The following AIG1 variants were observed in gnomAD, a reference collection of about 807,000 sequenced individuals.
AIG1 encodes the protein androgen induced 1.
A neutral mutation model predicts 31.4 loss-of-function variants in AIG1; 23 were observed. The observed-to-expected ratio is 0.73, with a 90% confidence interval of 0.53 to 1.04. The LOEUF (loss-of-function observed/expected upper bound fraction) is 1.04. Ranked by LOEUF, AIG1 falls within the 50% of genes least tolerant of loss-of-function variation. AIG1 has a pLI of 0.00. For missense variants in AIG1, 274 were observed against 295.0 expected (o/e 0.93, Z 0.52); for synonymous variants, 100 against 110.5 (o/e 0.90, Z 0.60).
chr6:143,284,026 G>GT lies in AIG1; in HGVS notation c.400-83dup, dbSNP rs1797523163. ...CCTGACACTTTCCTAGGAATTTATAGTGTGCATTCTCCTACTGGTGAAAAA... is the reference window on the plus strand; with the variant it reads ...CCTGACACTTTCCTAGGAATTTATAGTTGTGCATTCTCCTACTGGTGAAAAA... On this transcript the variant is annotated intron_variant, in intron 3 of 5. Coordinates refer to ENST00000357847, the MANE Select transcript of AIG1 (RefSeq NM_016108.4). This position sits in a 1 kb window ranked among gnomAD's most constrained non-coding sequence, Gnocchi z 4.4. The GT allele has an allele frequency of 1.1e-6, 1 of 909,680 alleles. No individual in the cohort carries two copies. 56.4% of individuals were successfully genotyped at this position (909,680 alleles called of 1,614,324 possible). A position where few individuals can be genotyped will look rare whatever the true frequency, so the allele number is the denominator to read the frequency against.
In AIG1 at chr6:143,338,138, T is replaced by C; in HGVS notation, c.680-1501T>C. Reference sequence around the variant, plus strand: ...ACAGACTTTAAAAAGAAAAGCAAACTGCTCTTAGCCCCTGATAGCTTCTCC... The same window carrying C: ...ACAGACTTTAAAAAGAAAAGCAAACCGCTCTTAGCCCCTGATAGCTTCTCC... On this transcript the variant is annotated intron_variant, in intron 5 of 5. Coordinates refer to ENST00000357847, the MANE Select transcript of AIG1 (RefSeq NM_016108.4). This position sits in a 1 kb window ranked among gnomAD's most constrained non-coding sequence, Gnocchi z 4.3. The C allele has an allele frequency of 2.5e-6, 1 of 397,614 alleles. No individual in the cohort carries two copies. The highest frequency in any genetic ancestry group is 4.4e-5 in the Admixed American group (1 of 22,704). The allele number at this position is 397,614 out of a possible 1,614,324, so 24.6% of individuals were successfully genotyped here. A position where few individuals can be genotyped will look rare whatever the true frequency, so the allele number is the denominator to read the frequency against.
At chr6:143,103,184 T>G (rs1780459925) in intron 1 of AIG1, among the ~76,000 whole-genome samples, 1 of 152,218 alleles carries the variant, frequency 6.6e-6, no homozygotes, top group South Asian at 2.1e-4. Flanking sequence ...ACACAGCTCC[T>G]GCCTTCAAAA....
At position 143,187,469 on chromosome 6, in the gene AIG1, ACT is replaced by A. The variant is rs1226645609; in HGVS notation, c.399+22289_399+22290del. On this transcript the variant is annotated intron_variant, in intron 3 of 5. Transcript: ENST00000357847. The stretch of plus-strand genomic sequence containing the variant: ...GCTTGGTTGAAGTTTGGCACTCGAC[ACT>A]CTGCTCAATTGAAGACATATGCACA... The A allele has an allele frequency of 6.5e-6, 10 of 1,535,546 alleles. No homozygotes were observed. The East Asian group carries it at 1.7e-4, about 26-fold the overall frequency.
At chr6:143,085,037 A>C (rs1249162030) in intron 1 of AIG1, among the ~76,000 whole-genome samples, 4 of 152,222 alleles carry the variant, frequency 2.6e-5, no homozygotes, top group African/African-American at 9.6e-5. Context: ...ATCTAGCAGT[A>C]ACATTACATC....
intron 3 of AIG1, among the ~76,000 whole-genome samples, chr6:143,234,191 C>T (rs1484386139): frequency 6.6e-6 from 1 of 152,162 alleles, no homozygotes; most frequent in Non-Finnish European, 1.5e-5. Flanking sequence ...AAGACTTGGA[C>T]TTTGACAGTT....
intron 3 of AIG1, among the ~76,000 whole-genome samples, chr6:143,237,094 C>T (rs1793862575): frequency 6.6e-6 from 1 of 152,184 alleles, no homozygotes. Context: ...CCTGGCTCTA[C>T]AGCACAAGAG....
intron 3 of AIG1, among the ~76,000 whole-genome samples, chr6:143,226,221 C>G (rs111390193): frequency 6.6e-6 from 1 of 150,992 alleles, no homozygotes; most frequent in Non-Finnish European, 1.5e-5. Context: ...GTTACACATT[C>G]CATTCTTCTT....
At chr6:143,220,991 ATTG>A (rs200697142) in intron 3 of AIG1, among the ~76,000 whole-genome samples, 10 of 151,682 alleles carry the variant, frequency 6.6e-5, no homozygotes, top group East Asian at 1.9e-4. Context: ...ACTAGTTTTT[ATTG>A]TTGTTGTTGT....
rs112416142 is a variant in AIG1, at chr6:143,087,550, G to A, written c.141+26484G>A. ...GCCAGATCCAGAGGGATGGAAGTCAGCGGCGGGTCTGCGACGGCGGCAAAC... is the reference window on the plus strand; with the variant it reads ...GCCAGATCCAGAGGGATGGAAGTCAACGGCGGGTCTGCGACGGCGGCAAAC... On this transcript the variant is annotated intron_variant, in intron 1 of 5. Coordinates refer to ENST00000357847, the MANE Select transcript of AIG1 (RefSeq NM_016108.4). Among the ~76,000 whole-genome samples the A allele has an allele frequency of 9.6e-3, 1,458 of 152,328 alleles. 17 individuals carry two copies. Among genetic ancestry groups the A allele is most frequent in the African/African-American group, 0.027 (1,103 of 41,576 alleles).
In AIG1 at chr6:143,291,518, T is replaced by C. The variant is rs1181393533; in HGVS notation, c.515+7293T>C. Reference sequence around the variant, plus strand: ...CACCTGGACTTCAGCCTCACAGCACTAATCAGTGGGAAGCAGGGATTTGCC... The same window carrying C: ...CACCTGGACTTCAGCCTCACAGCACCAATCAGTGGGAAGCAGGGATTTGCC... On this transcript the variant is annotated intron_variant, in intron 4 of 5. Transcript: ENST00000357847. This position sits in a 1 kb window ranked among gnomAD's most constrained non-coding sequence, Gnocchi z 4.2. Among the ~76,000 whole-genome samples the C allele has an allele frequency of 6.6e-6, 1 of 152,170 alleles. No individual in the cohort carries two copies. The highest frequency in any genetic ancestry group is 1.9e-4 in the East Asian group (1 of 5,204).
intron 1 of AIG1, among the ~76,000 whole-genome samples, chr6:143,079,619 A>C (rs76612715): frequency 0.062 from 9,381 of 152,246 alleles, 680 homozygotes; most frequent in East Asian, 0.37. Flanking sequence ...TTTTACACTT[A>C]AAATATTTTA....
chr6:143,313,737 T>C (rs1265075655), intron 4 of AIG1, among the ~76,000 whole-genome samples: 1 of 152,108 alleles, frequency 6.6e-6, no homozygotes, highest in African/African-American at 2.4e-5. Context: ...CTTGAGGTGA[T>C]GGATACCCCA....
intron 3 of AIG1, among the ~76,000 whole-genome samples, chr6:143,199,873 A>G (rs1487517137): frequency 2.6e-5 from 4 of 152,218 alleles, no homozygotes; most frequent in Admixed American, 6.5e-5. Flanking sequence ...AATTAGAAGG[A>G]TCAGGAAGAG....
rs1376848307 is a variant in AIG1 at position 143,284,245 on chromosome 6, G to T, written c.515+20G>T. ...ATTATGGTAAGGACCATGCCTGCTG[G>T]GCTTTCTTATTGTATTAGATTTTGC... is the stretch of plus-strand genomic sequence containing the variant. On this transcript the variant is annotated intron_variant, in intron 4 of 5. Transcript: ENST00000357847. This position sits in a 1 kb window ranked among gnomAD's most constrained non-coding sequence, Gnocchi z 4.4. The T allele has an allele frequency of 6.4e-7, 1 of 1,562,076 alleles. No homozygotes were observed.
At chr6:143,085,917 G>T (rs1778734282) in intron 1 of AIG1, among the ~76,000 whole-genome samples, 1 of 152,216 alleles carries the variant, frequency 6.6e-6, no homozygotes. Context: ...AATCTGCTGG[G>T]TTAAGGGAAT....
intron 4 of AIG1, among the ~76,000 whole-genome samples, chr6:143,318,187 C>G (rs568073059): frequency 6.6e-6 from 1 of 151,774 alleles, no homozygotes. Context: ...CAAGACTAAG[C>G]GAAAAGAACA....
intron 1 of AIG1, among the ~76,000 whole-genome samples, chr6:143,118,639 CT>C (rs1260903221): frequency 6.6e-6 from 1 of 152,140 alleles, no homozygotes; most frequent in East Asian, 1.9e-4. Context: ...GTGTAGAGAA[CT>C]TTTCCACGTC....
At position 143,291,973 on chromosome 6, in the gene AIG1, G is replaced by A. The variant is rs1054602596; in HGVS notation, c.515+7748G>A. ...GGATTGAAGGCAAGGGTAGAACAAG[G>A]AGAAGAGAAGAGAAGGCTATAGAAG... On this transcript the variant is annotated intron_variant, in intron 4 of 5. Coordinates refer to ENST00000357847, the MANE Select transcript of AIG1 (RefSeq NM_016108.4). This position sits in a 1 kb window ranked among gnomAD's most constrained non-coding sequence, Gnocchi z 4.2. Among the ~76,000 whole-genome samples, 4 of 152,328 alleles carry A rather than the reference G, an allele frequency of 2.6e-5. No homozygotes were observed. The highest frequency in any genetic ancestry group is 7.2e-5 in the African/African-American group (3 of 41,570).
intron 3 of AIG1, among the ~76,000 whole-genome samples, chr6:143,211,892 C>CAA (rs879442494): frequency 1.5e-5 from 2 of 131,238 alleles, no homozygotes; most frequent in African/African-American, 2.8e-5. Flanking sequence ...GACCCTGTCT[C>CAA]AAAAAAAAAA....
Sources: gnomAD v4.1 joint callset for allele counts (sites outside exome capture counted in the v4.1 genomes callset) on GRCh38, gnomAD v4.1.1 for gene constraint, Gnocchi (gnomAD v3.1) non-coding constraint, MANE v1.5 for transcripts, NCBI Gene and HGNC (gene_info 2026-07-23, HGNC 2026-07-21) for gene names.